PHOSPHO1: variants seen among roughly 807,000 people sequenced by gnomAD.
PHOSPHO1 encodes phosphoethanolamine/phosphocholine phosphatase.
Under a neutral mutation model 17.7 loss-of-function variants are expected in PHOSPHO1, and 6 were observed. The observed-to-expected ratio is 0.34, with a 90% CI of 0.19 to 0.67. The LOEUF is 0.67. Among genes scored for constraint, PHOSPHO1 ranks in the 30% least tolerant of loss-of-function variants. The probability of loss-of-function intolerance (pLI) is 0.69; values close to 1 mark genes in which losing one functional copy is unlikely to be tolerated. For missense variants in PHOSPHO1, 330 were observed against 392.1 expected, an observed-to-expected ratio of 0.84 and a Z score of 1.34; for synonymous variants, 159 against 174.6, an observed-to-expected ratio of 0.91 and a Z score of 0.71.
intron 2 of PHOSPHO1, chr17:49,225,740 G>T (rs2043348078): frequency 1.6e-6 from 2 of 1,284,946 alleles, no homozygotes; most frequent in Non-Finnish European, 2.0e-6. Context: ...AGTGGGGCTT[G>T]GGGAGGTAAG....
rs768894087 is a variant in PHOSPHO1, at chr17:49,224,860, G to T, written c.190C>A (p.Arg64Ser). 6.2e-7 allele frequency: 1 copy of T among 1,606,904 alleles called. No individual in the cohort carries two copies. Among genetic ancestry groups the T allele is most frequent in the Non-Finnish European group, 8.5e-7 (1 of 1,177,246 alleles). Reference protein sequence around the residue: ...RLPESLRATYREGFYNEYMQR... With the variant: ...RLPESLRATYSEGFYNEYMQR... ...ATGTACTCGTTGTAGAAGCCCTCGC[G>T]GTAGGTGGCTCGCAGGCTCTCCGGG... is the stretch of plus-strand genomic sequence containing the variant. Residue 64 changes from arginine to serine, a missense_variant, in exon 3 of 3, where the codon CGC becomes AGC. By Grantham distance (110) the Arg-to-Ser change is moderately radical. Coordinates refer to ENST00000310544, the MANE Select transcript of PHOSPHO1 (RefSeq NM_178500.4).
chr17:49,226,854 A>C (rs2043362985), intron 1 of PHOSPHO1, 96 bp from the exon 2 acceptor site: 1 of 727,068 alleles, frequency 1.4e-6, no homozygotes, highest in Non-Finnish European at 2.4e-6. Context: ...GCTGAGCTAC[A>C]GGAGGCATTC....
At position 49,224,378 on chromosome 17, in the gene PHOSPHO1, G is replaced by C. The variant is rs1360979845; in HGVS notation, c.672C>G (p.Arg224=). The C allele has an allele frequency of 6.4e-7, 1 of 1,553,440 alleles. No individual in the cohort carries two copies. Among genetic ancestry groups the C allele is most frequent in the African/African-American group, 1.4e-5 (1 of 73,438 alleles). Residue 224 remains arginine, a synonymous_variant, in exon 3 of 3, where the codon CGC becomes CGG. Coordinates refer to ENST00000310544, the MANE Select transcript of PHOSPHO1 (RefSeq NM_178500.4). ...LAGGDVAFPR[R]GYPMHRLIQE... is the part of the protein sequence containing the mutation. The stretch of plus-strand genomic sequence containing the variant: ...GAATGAGGCGGTGCATGGGGTAGCC[G>C]CGGCGCGGGAAGGCCACGTCGCCGC...
intron 1 of PHOSPHO1, among the ~76,000 whole-genome samples, chr17:49,227,775 C>G (rs2043371696): frequency 6.6e-6 from 1 of 152,202 alleles, no homozygotes; most frequent in Admixed American, 6.5e-5. Context: ...CTCACAACAA[C>G]CAGACCACAC....
chr17:49,224,711 G>A lies in PHOSPHO1; in HGVS notation c.339C>T (p.Gly113=), dbSNP rs775511655. ...SDLLQFVAKQ[G]ACFEVILISD... is the part of the protein sequence containing the mutation. Reference sequence around the variant, plus strand: ...AGATGAGAATCACCTCGAAGCAGGCGCCCTGTTTTGCCACAAACTGCAGCA... The same window carrying A: ...AGATGAGAATCACCTCGAAGCAGGCACCCTGTTTTGCCACAAACTGCAGCA... Residue 113 remains glycine, a synonymous_variant, in exon 3 of 3, where the codon GGC becomes GGT. Transcript: ENST00000310544. 4.4e-6 allele frequency: 7 copies of A among 1,594,556 alleles called. No homozygotes were observed. The highest frequency in any genetic ancestry group is 1.6e-4 in the Middle Eastern group (1 of 6,062).
chr17:49,229,689 A>G (rs994369754), intron 1 of PHOSPHO1, among the ~76,000 whole-genome samples: 1 of 152,292 alleles, frequency 6.6e-6, no homozygotes, highest in South Asian at 2.1e-4. Context: ...CTGTCCAAAA[A>G]CAAGTCTCCT....
chr17:49,228,993 A>ACACACACACAC (rs1460342399), intron 1 of PHOSPHO1: 4 of 17,708 alleles, frequency 2.3e-4, no homozygotes, highest in African/African-American at 4.9e-4. Context: ...CACACACACA[A>ACACACACACAC]AACTCCTCAT....
chr17:49,226,755 G>T lies in PHOSPHO1; in HGVS notation c.-64C>A. ...TGTTGGCCTCCAGCCGTCGTCACAC[G>T]TTCCTGACAACCACAAAAGTTCATT... On this transcript the variant is annotated 5_prime_UTR_variant, in exon 2 of 3. Transcript: ENST00000310544. 2 of 1,591,520 alleles carry T rather than the reference G, an allele frequency of 1.3e-6. No individual in the cohort carries two copies. The highest frequency in any genetic ancestry group is 1.7e-6 in the Non-Finnish European group (2 of 1,160,072).
Position 49,226,788 on chromosome 17 carries a change from G to T in PHOSPHO1, c.-67-30C>A, listed in dbSNP as rs1305940627. 3 of 1,428,498 alleles carry T rather than the reference G, an allele frequency of 2.1e-6. No homozygotes were observed. The East Asian group carries it at 6.9e-5, about 33-fold the overall frequency. 88.5% of individuals were successfully genotyped at this position (1,428,498 alleles called of 1,614,324 possible). A position where few individuals can be genotyped will look rare whatever the true frequency, so the allele number is the denominator to read the frequency against. On this transcript the variant is annotated intron_variant, in intron 1 of 2. Coordinates refer to ENST00000310544, the MANE Select transcript of PHOSPHO1 (RefSeq NM_178500.4). ...CAACCACAAAAGTTCATTTGAGGGTGCCCAGTCAGCTGACTTTGCTTCCAC... is the reference window on the plus strand; with the variant it reads ...CAACCACAAAAGTTCATTTGAGGGTTCCCAGTCAGCTGACTTTGCTTCCAC...
At chr17:49,228,273 CTT>C (rs1555618935) in intron 1 of PHOSPHO1, among the ~76,000 whole-genome samples, 1 of 100,386 alleles carries the variant, frequency 1.0e-5, no homozygotes, top group African/African-American at 4.0e-5. Context: ...TCCTTCCTTC[CTT>C]CCTTCCTTCC....
In PHOSPHO1 at chr17:49,224,985, T is replaced by C; in HGVS notation, c.65A>G (p.Gln22Arg). Residue 22 changes from glutamine (Q) to arginine (R), a missense_variant, in exon 3 of 3, where the codon CAG becomes CGG. Transcript: ENST00000310544. Reference sequence around the variant, plus strand: ...GGTCAGGAGGAAGCGCGGCGCGCCCTGCGCGGCCATCCTGCCGTCCTGGGA... The same window carrying C: ...GGTCAGGAGGAAGCGCGGCGCGCCCCGCGCGGCCATCCTGCCGTCCTGGGA... Reference protein sequence around the residue: ...CLSRDGRMAAQGAPRFLLTFD... With the variant: ...CLSRDGRMAARGAPRFLLTFD... The C allele has an allele frequency of 6.5e-7, 1 of 1,541,280 alleles. No homozygotes were observed. The highest frequency in any genetic ancestry group is 2.4e-5 in the East Asian group (1 of 42,334).
chr17:49,224,280 C>G lies in PHOSPHO1; in HGVS notation c.770G>C (p.Arg257Pro). ...CTTCAGCACCTGTTGCAGGTGGAGGCGCACATCTGCAGCCGTTTCCCAGGG... is the reference window on the plus strand; with the variant it reads ...CTTCAGCACCTGTTGCAGGTGGAGGGGCACATCTGCAGCCGTTTCCCAGGG... Reference protein sequence around the residue: ...VVPWETAADVRLHLQQVLKSC With the variant: ...VVPWETAADVPLHLQQVLKSC The change falls in exon 3 of 3, where the codon CGC becomes CCC. Residue 257 changes from arginine (R) to proline (P), a missense_variant. Coordinates refer to ENST00000310544, the MANE Select transcript of PHOSPHO1 (RefSeq NM_178500.4). The G allele has an allele frequency of 6.3e-7, 1 of 1,594,972 alleles. No homozygotes were observed.
At chr17:49,227,727 A>G (rs2143568805) in intron 1 of PHOSPHO1, among the ~76,000 whole-genome samples, 1 of 152,326 alleles carries the variant, frequency 6.6e-6, no homozygotes, top group East Asian at 1.9e-4. Context: ...GGAGCAGGGT[A>G]CAGGCTCTAG....
rs893121129 is a variant in PHOSPHO1, at chr17:49,226,745, G to T, written c.-54C>A. On this transcript the variant is annotated 5_prime_UTR_variant, in exon 2 of 3. Transcript: ENST00000310544. ...GTAGGGACTCTGTTGGCCTCCAGCCGTCGTCACACGTTCCTGACAACCACA... is the reference window on the plus strand; with the variant it reads ...GTAGGGACTCTGTTGGCCTCCAGCCTTCGTCACACGTTCCTGACAACCACA... 1 of 1,601,424 alleles carries T rather than the reference G, an allele frequency of 6.2e-7. No homozygotes were observed. The highest frequency in any genetic ancestry group is 1.3e-5 in the African/African-American group (1 of 74,758).
chr17:49,225,202 C>T, intron 2 of PHOSPHO1, 198 bp from the exon 3 acceptor site: 1 of 1,425,834 alleles, frequency 7.0e-7, no homozygotes, highest in East Asian at 2.5e-5. Context: ...CCAGCCTTCC[C>T]TGACTACTCC....
chr17:49,224,645 G>C lies in PHOSPHO1; in HGVS notation c.405C>G (p.Ala135=). ...NTFGVESSLR[A]AGHHSLFRRI... ...GGCGGAACAGGCTGTGGTGGCCGGC[G>C]GCGCGCAGCGAGCTCTCCACGCCAA... The change falls in exon 3 of 3, where the codon GCC becomes GCG. Residue 135 remains alanine, a synonymous_variant. Transcript: ENST00000310544. 4 of 1,583,416 alleles carry C rather than the reference G, an allele frequency of 2.5e-6. No homozygotes were observed. Among genetic ancestry groups the C allele is most frequent in the South Asian group, 1.1e-5 (1 of 88,158 alleles).
intron 1 of PHOSPHO1, among the ~76,000 whole-genome samples, chr17:49,228,787 C>CAAAAA (rs71144585): frequency 1.3e-4 from 10 of 78,794 alleles, no homozygotes; most frequent in African/African-American, 3.5e-4. Context: ...GACTCCGTCT[C>CAAAAA]AAAAAAAAAA....
intron 1 of PHOSPHO1, among the ~76,000 whole-genome samples, chr17:49,227,191 T>C (rs891043042): frequency 4.6e-5 from 7 of 151,876 alleles, no homozygotes; most frequent in Non-Finnish European, 8.8e-5. Context: ...ACATGGGGCA[T>C]AGACTGCTTC....
At chr17:49,225,166 A>C (rs2043340253) in intron 2 of PHOSPHO1, 162 bp from the exon 3 acceptor site, 1 of 1,433,346 alleles carries the variant, frequency 7.0e-7, no homozygotes, top group Non-Finnish European at 9.1e-7. Context: ...AGCTGGGAGG[A>C]GTACCCAATG....
Sources: allele counts gnomAD v4.1 joint callset (sites outside exome capture counted in the v4.1 genomes callset), GRCh38; gene constraint gnomAD v4.1.1; transcripts MANE v1.5; gene names NCBI Gene and HGNC (gene_info 2026-07-23, HGNC 2026-07-21).